Variants in JAKMIP1 observed in about 807,000 individuals in gnomAD.
The protein encoded by JAKMIP1 is janus kinase and microtubule-interacting protein 1.
JAKMIP1 carries 33 observed loss-of-function variants against 113.0 expected under a neutral mutation model. The ratio of observed to expected loss-of-function variants is 0.29; its 90% CI spans 0.22 to 0.39. The LOEUF (loss-of-function observed/expected upper bound fraction) is 0.39, where lower values mean the gene tolerates loss of function less well. Among genes scored for constraint, JAKMIP1 ranks in the 10% least tolerant of loss-of-function variants. JAKMIP1 has a pLI of 1.00. For missense variants in JAKMIP1, 813 were observed against 1,080.5 expected (o/e 0.75, Z 3.47); for synonymous variants, 480 against 459.9 (o/e 1.04, Z -0.56).
rs900340848 is a variant in JAKMIP1, at chr4:6,157,503, G to A, written c.-148+42750C>T. Among the ~76,000 whole-genome samples the A allele has an allele frequency of 5.9e-5, 9 of 152,218 alleles. No homozygotes were observed. The highest frequency in any genetic ancestry group is 1.4e-4 in the African/African-American group (6 of 41,546). ...TCAAATTTTCAAATCAAACTTCAGC[G>A]TACACTTTCCGTAACACCTTTTTTG... On this transcript the variant is annotated intron_variant, in intron 1 of 20. Coordinates refer to ENST00000409021, the MANE Select transcript of JAKMIP1 (RefSeq NM_001099433.2). The surrounding 1 kb of genome is among the most constrained non-coding windows in gnomAD (Gnocchi z 4.7).
rs1714318554 is a variant in JAKMIP1, at chr4:6,108,362, T to G, written c.130-2395A>C. Among the ~76,000 whole-genome samples the G allele has an allele frequency of 6.6e-6, 1 of 152,048 alleles. No homozygotes were observed. Among genetic ancestry groups the G allele is most frequent in the Non-Finnish European group, 1.5e-5 (1 of 67,994 alleles). On this transcript the variant is annotated intron_variant, in intron 2 of 20. Transcript: ENST00000409021. The surrounding 1 kb of genome is among the most constrained non-coding windows in gnomAD (Gnocchi z 5.6). ...CCAGGTGCCTCCAAGCTACCCCAAG[T>G]GTAGAGGCACCTACACCAGCCGCTC... is the stretch of plus-strand genomic sequence containing the variant.
At chr4:6,056,906 T>G in intron 11 of JAKMIP1, 147 bp from the exon 12 acceptor site, 1 of 635,758 alleles carries the variant, frequency 1.6e-6, no homozygotes. Context: ...TCATTGTCCC[T>G]GTCCACTTTT....
At chr4:6,091,633 C>G (rs1237676615) in intron 3 of JAKMIP1, among the ~76,000 whole-genome samples, 2 of 152,296 alleles carry the variant, frequency 1.3e-5, no homozygotes, top group East Asian at 3.9e-4. Flanking sequence ...GCTTCTCTTC[C>G]CACCATGTGA....
At position 6,078,903 on chromosome 4, in the gene JAKMIP1, C is replaced by T. The variant is rs116152057; in HGVS notation, c.1302+36G>A. ...TCTGCCCTGCAGATCCGTGACACAG[C>T]GGCAAGGTAGGGCAGGTGCACCATC... On this transcript the variant is annotated intron_variant, in intron 8 of 20. Coordinates refer to ENST00000409021, the MANE Select transcript of JAKMIP1 (RefSeq NM_001099433.2). 3,465 of 1,611,356 alleles carry T rather than the reference C, an allele frequency of 2.2e-3. 70 individuals carry two copies. In the African/African-American group the frequency reaches 0.04, roughly 19 times the overall value.
At chr4:6,074,305 G>A (rs1719396392) in intron 8 of JAKMIP1, among the ~76,000 whole-genome samples, 1 of 152,220 alleles carries the variant, frequency 6.6e-6, no homozygotes, top group South Asian at 2.1e-4. Flanking sequence ...TGGACTGGAG[G>A]CACCCTCCTG....
chr4:6,075,475 C>T (rs1719576179), intron 8 of JAKMIP1, among the ~76,000 whole-genome samples: 1 of 152,166 alleles, frequency 6.6e-6, no homozygotes, highest in Non-Finnish European at 1.5e-5. Context: ...ACTTGGTCCA[C>T]ACGGAAGTCT....
At chr4:6,190,117 G>A (rs1212810252) in intron 1 of JAKMIP1, among the ~76,000 whole-genome samples, 1 of 152,128 alleles carries the variant, frequency 6.6e-6, no homozygotes, top group Non-Finnish European at 1.5e-5. Context: ...CAAGAAGGAT[G>A]GAGAAGTGGC....
Position 6,108,859 on chromosome 4 carries a change from A to G in JAKMIP1, c.130-2892T>C, listed in dbSNP as rs1714406194. On this transcript the variant is annotated intron_variant, in intron 2 of 20. Transcript: ENST00000409021. This position sits in a 1 kb window ranked among gnomAD's most constrained non-coding sequence, Gnocchi z 5.6. ...CGTCTTGGGACATCTGTAAGAACTCATGTTTGACTTTGTATGGATATAGAT... is the reference window on the plus strand; with the variant it reads ...CGTCTTGGGACATCTGTAAGAACTCGTGTTTGACTTTGTATGGATATAGAT... Among the ~76,000 whole-genome samples the G allele has an allele frequency of 6.6e-6, 1 of 152,252 alleles. No homozygotes were observed. Among genetic ancestry groups the G allele is most frequent in the Admixed American group, 6.5e-5 (1 of 15,292 alleles).
intron 3 of JAKMIP1, among the ~76,000 whole-genome samples, chr4:6,100,390 TG>T (rs1712803131): frequency 6.6e-6 from 1 of 152,246 alleles, no homozygotes; most frequent in Non-Finnish European, 1.5e-5. Context: ...GGTTCAGAAA[TG>T]TTATAGATAT....
rs1721156935 is a variant in JAKMIP1, at chr4:6,085,458, G to A, written c.796C>T (p.Pro266Ser). 8 of 1,613,954 alleles carry A rather than the reference G, an allele frequency of 5.0e-6. No homozygotes were observed. The East Asian group carries it at 1.6e-4, about 31-fold the overall frequency. The change falls in exon 4 of 21, where the codon CCC (proline) becomes TCC (serine). Residue 266 changes from proline (P) to serine (S), a missense_variant. Physicochemically the swap from Pro to Ser is moderately conservative, Grantham distance 74 (BLOSUM62 -1). Transcript: ENST00000409021. ...HHSSPKRELPPGIGDMVELMG... is the reference protein window; with the variant it reads ...HHSSPKRELPSGIGDMVELMG... The stretch of plus-strand genomic sequence containing the variant: ...AGCTCCACCATGTCCCCGATCCCGG[G>A]CGGGAGCTCTCTCTTTGGACTACTG...
chr4:6,070,258 G>C (rs1718768787), intron 8 of JAKMIP1: 1 of 395,746 alleles, frequency 2.5e-6, no homozygotes, highest in East Asian at 3.6e-5. Flanking sequence ...TCCAGTCCAA[G>C]GAAAAAGCAC....
At chr4:6,073,305 C>T (rs1719244239) in intron 8 of JAKMIP1, among the ~76,000 whole-genome samples, 1 of 152,116 alleles carries the variant, frequency 6.6e-6, no homozygotes, top group Non-Finnish European at 1.5e-5. Flanking sequence ...GCAAGAGCCA[C>T]TGACAAAAAT....
intron 20 of JAKMIP1, among the ~76,000 whole-genome samples, chr4:6,028,971 T>C (rs997766130): frequency 6.6e-5 from 10 of 152,262 alleles, no homozygotes; most frequent in African/African-American, 2.2e-4. Flanking sequence ...ACGTGGTCCC[T>C]GTCCTCAAGG....
At chr4:6,171,070 C>CCAT (rs1724592131) in intron 1 of JAKMIP1, among the ~76,000 whole-genome samples, 1 of 110,290 alleles carries the variant, frequency 9.1e-6, no homozygotes, top group African/African-American at 2.7e-5. Flanking sequence ...ACCACCATCA[C>CCAT]CACCACCCCC....
rs1266444681 is a variant in JAKMIP1 at position 6,199,694 on chromosome 4, G to A, written c.-148+559C>T. The stretch of plus-strand genomic sequence containing the variant: ...CCGCGGCGGCGTGTGCCGTGCGTGG[G>A]GTGGGGTGCGGGCTGGGCGGCCTCG... On this transcript the variant is annotated intron_variant, in intron 1 of 20. Transcript: ENST00000409021. The surrounding 1 kb of genome is among the most constrained non-coding windows in gnomAD (Gnocchi z 5.6). 2.0e-5 allele frequency among the ~76,000 whole-genome samples: 3 copies of A among 151,606 alleles called. No homozygotes were observed. Among genetic ancestry groups the A allele is most frequent in the Admixed American group, 6.6e-5 (1 of 15,206 alleles).
chr4:6,047,172 C>G (rs151338918), intron 16 of JAKMIP1, among the ~76,000 whole-genome samples: 3 of 152,208 alleles, frequency 2.0e-5, no homozygotes, highest in Admixed American at 2.0e-4. Flanking sequence ...GCAGCTGGCA[C>G]GTGGTGTAGC....
intron 1 of JAKMIP1, among the ~76,000 whole-genome samples, chr4:6,190,945 C>A (rs1455999121): frequency 2.0e-5 from 3 of 152,206 alleles, no homozygotes; most frequent in Admixed American, 6.5e-5. Flanking sequence ...GCGGCCTGCA[C>A]CACATCCTGA....
chr4:6,136,700 A>G lies in JAKMIP1; in HGVS notation c.-147-23703T>C, dbSNP rs895460600. Among the ~76,000 whole-genome samples the G allele has an allele frequency of 6.6e-6, 1 of 152,188 alleles. No individual in the cohort carries two copies. Among genetic ancestry groups the G allele is most frequent in the East Asian group, 1.9e-4 (1 of 5,194 alleles). Reference sequence around the variant, plus strand: ...CCACACTAAAGAATCTGGAATTCCAAGAAATGGCCTGCCCAGGAAAAATAA... The same window carrying G: ...CCACACTAAAGAATCTGGAATTCCAGGAAATGGCCTGCCCAGGAAAAATAA... On this transcript the variant is annotated intron_variant, in intron 1 of 20. Coordinates refer to ENST00000409021, the MANE Select transcript of JAKMIP1 (RefSeq NM_001099433.2). The surrounding 1 kb of genome is among the most constrained non-coding windows in gnomAD (Gnocchi z 5.9).
intron 1 of JAKMIP1, among the ~76,000 whole-genome samples, chr4:6,147,516 T>G (rs1349532216): frequency 6.6e-6 from 1 of 152,214 alleles, no homozygotes; most frequent in Non-Finnish European, 1.5e-5. Flanking sequence ...ATGTCTTCCA[T>G]GTGGTCCTCA....
Sources: gnomAD v4.1 joint callset for allele counts (sites outside exome capture counted in the v4.1 genomes callset) on GRCh38, gnomAD v4.1.1 for gene constraint, Gnocchi (gnomAD v3.1) non-coding constraint, MANE v1.5 for transcripts, NCBI Gene and HGNC (gene_info 2026-07-23, HGNC 2026-07-21) for gene names.